The following C10orf90 variants were observed in gnomAD, a reference collection of about 807,000 sequenced individuals.
C10orf90 encodes the protein (E2-independent) E3 ubiquitin-conjugating enzyme FATS.
A neutral mutation model predicts 62.5 loss-of-function variants in C10orf90; 56 were observed. The observed-to-expected ratio is 0.90, with a 90% confidence interval of 0.72 to 1.12. The LOEUF is 1.12. Ranked by LOEUF, C10orf90 falls within the 50% of genes most tolerant of loss-of-function variation. The probability of loss-of-function intolerance (pLI) is 0.00; values close to 1 mark genes in which losing one functional copy is unlikely to be tolerated. For missense variants in C10orf90, 970 were observed against 880.4 expected (o/e 1.10, Z -1.29); for synonymous variants, 386 against 340.4 (o/e 1.13, Z -1.47).
At chr10:126,648,146 T>A (rs145020904) in intron 1 of C10orf90, among the ~76,000 whole-genome samples, 1 of 151,570 alleles carries the variant, frequency 6.6e-6, no homozygotes, top group East Asian at 1.9e-4. Flanking sequence ...TGCTCGCTTC[T>A]GCTCCTCTGC....
At chr10:126,437,409 G>A (rs1018589152) in intron 7 of C10orf90, among the ~76,000 whole-genome samples, 2 of 152,164 alleles carry the variant, frequency 1.3e-5, no homozygotes, top group African/African-American at 4.8e-5. Context: ...GAAATTCTGT[G>A]GCTAGGCCAG....
chr10:126,655,773 C>T (rs745978379), intron 1 of C10orf90, among the ~76,000 whole-genome samples: 11 of 151,216 alleles, frequency 7.3e-5, no homozygotes, highest in Non-Finnish European at 1.2e-4. Flanking sequence ...CCCACTTGAC[C>T]CTTTAACTTT....
intron 2 of C10orf90, among the ~76,000 whole-genome samples, chr10:126,575,140 G>T (rs542089423): frequency 4.7e-4 from 72 of 152,202 alleles, no homozygotes; most frequent in Non-Finnish European, 6.3e-4. Flanking sequence ...GGTGAAGGAA[G>T]TCCTAGCCAG....
chr10:126,638,443 C>T (rs911578174), intron 2 of C10orf90, among the ~76,000 whole-genome samples: 1 of 152,118 alleles, frequency 6.6e-6, no homozygotes, highest in Admixed American at 6.5e-5. Context: ...TCACCATGCC[C>T]CTAGGAGCCA....
At chr10:126,655,849 A>AAG (rs1554933256) in intron 1 of C10orf90, among the ~76,000 whole-genome samples, 70 of 152,058 alleles carry the variant, frequency 4.6e-4, no homozygotes, top group South Asian at 1.5e-3. Context: ...CAAAAAAAAA[A>AAG]AAGAAGAAGA....
At chr10:126,507,124 A>G (rs1232825886) in intron 3 of C10orf90, among the ~76,000 whole-genome samples, 1 of 152,086 alleles carries the variant, frequency 6.6e-6, no homozygotes, top group East Asian at 1.9e-4. Flanking sequence ...TTGGGAGGCC[A>G]AGGCGGGTGG....
chr10:126,495,342 C>T (rs1160383448), intron 4 of C10orf90, among the ~76,000 whole-genome samples: 1 of 152,096 alleles, frequency 6.6e-6, no homozygotes. Flanking sequence ...AAAACGTACC[C>T]CACCCATGTC....
intron 2 of C10orf90, among the ~76,000 whole-genome samples, chr10:126,575,993 C>T (rs560441303): frequency 1.3e-4 from 20 of 152,110 alleles, no homozygotes; most frequent in Non-Finnish European, 2.5e-4. Context: ...AGAGAAAATG[C>T]TTCAGGATGT....
intron 2 of C10orf90, among the ~76,000 whole-genome samples, chr10:126,571,907 C>A (rs894821338): frequency 6.6e-6 from 1 of 152,174 alleles, no homozygotes; most frequent in African/African-American, 2.4e-5. Flanking sequence ...GCAGGACACC[C>A]AGCACCTGGA....
intron 2 of C10orf90, among the ~76,000 whole-genome samples, chr10:126,645,727 G>A (rs1898292): frequency 0.083 from 12,611 of 152,182 alleles, 557 homozygotes; most frequent in South Asian, 0.15. Context: ...TCAGGTCCCT[G>A]ATATCTTTGC....
At position 126,670,627 on chromosome 10, in the gene C10orf90, T is replaced by C. The variant is rs1846731340; in HGVS notation, c.-147A>G. The stretch of plus-strand genomic sequence containing the variant: ...TGTTTTCCAACTCCAGAGCTAGTTG[T>C]CTCAATATCCCAGCTACATTTGTGA... On this transcript the variant is annotated 5_prime_UTR_variant, in exon 1 of 10. Transcript: ENST00000488181. 2.8e-6 allele frequency: 1 copy of C among 352,616 alleles called. No individual in the cohort carries two copies. Among genetic ancestry groups the C allele is most frequent in the Non-Finnish European group, 5.5e-6 (1 of 181,554 alleles). The allele number at this position is 352,616 out of a possible 1,614,324, so 21.8% of individuals were successfully genotyped here. A position where few individuals can be genotyped will look rare whatever the true frequency, so the allele number is the denominator to read the frequency against.
intron 4 of C10orf90, among the ~76,000 whole-genome samples, chr10:126,481,620 C>G (rs1861163861): frequency 6.6e-6 from 1 of 152,160 alleles, no homozygotes; most frequent in Non-Finnish European, 1.5e-5. Flanking sequence ...AAGCCTGGCT[C>G]CCACTAGCTG....
intron 1 of C10orf90, among the ~76,000 whole-genome samples, chr10:126,657,608 CT>C (rs71488508): frequency 0.011 from 1,528 of 141,476 alleles, 20 homozygotes; most frequent in African/African-American, 0.033. Context: ...AATACTTTGT[CT>C]TTTTTTTTTT....
At chr10:126,535,193 T>C (rs1426097093) in intron 2 of C10orf90, among the ~76,000 whole-genome samples, 1 of 128,044 alleles carries the variant, frequency 7.8e-6, no homozygotes, top group Non-Finnish European at 1.6e-5. Context: ...AGAGAGAGAT[T>C]CACACAAAAT....
chr10:126,588,628 C>G (rs184281850), intron 2 of C10orf90, among the ~76,000 whole-genome samples: 136 of 151,964 alleles, frequency 8.9e-4, no homozygotes, highest in Middle Eastern at 3.4e-3. Flanking sequence ...GAAAAGAAAA[C>G]AAAACAAAAC....
rs1215171095 is a variant in C10orf90 at position 126,461,418 on chromosome 10, T to C, written c.1993A>G (p.Arg665Gly). 1.2e-6 allele frequency: 2 copies of C among 1,614,062 alleles called. No homozygotes were observed. Among genetic ancestry groups the C allele is most frequent in the Non-Finnish European group, 1.7e-6 (2 of 1,179,962 alleles). ...DCSESQQTPA[R>G]SLTLQEALEV... ...GGCCTTACTTGCAAGGTCAAAGATC[T>C]TGCAGGCGTTTGCTGAGACTCAGAA... Residue 665 changes from arginine to glycine, a missense_variant, in exon 6 of 10, where the codon AGA (arginine) becomes GGA (glycine). Transcript: ENST00000488181.
In C10orf90 at chr10:126,425,058, G is replaced by A. The variant is rs1325732836; in HGVS notation, c.*806C>T. 1 of 152,138 alleles carries A rather than the reference G, an allele frequency of 6.6e-6. No homozygotes were observed. The highest frequency in any genetic ancestry group is 2.4e-5 in the African/African-American group (1 of 41,422). The allele number at this position is 152,138 out of a possible 1,614,324, so 9.4% of individuals were successfully genotyped here. A position where few individuals can be genotyped will look rare whatever the true frequency, so the allele number is the denominator to read the frequency against. ...TGTTGTAAAAACTAGCTTGTTCTTAGCTTCCCAAACAGACATATTTATAAA... is the reference window on the plus strand; with the variant it reads ...TGTTGTAAAAACTAGCTTGTTCTTAACTTCCCAAACAGACATATTTATAAA... On this transcript the variant is annotated 3_prime_UTR_variant, in exon 10 of 10. Transcript: ENST00000488181.
At chr10:126,645,258 TAA>T (rs1182066967) in intron 2 of C10orf90, among the ~76,000 whole-genome samples, 1,897 of 66,246 alleles carry the variant, frequency 0.029, 17 homozygotes, top group Non-Finnish European at 0.032. Flanking sequence ...ACTTAAAGTA[TAA>T]AAAAAAAAAA....
intron 8 of C10orf90, among the ~76,000 whole-genome samples, chr10:126,426,434 T>C (rs964978201): frequency 2.0e-5 from 3 of 152,260 alleles, no homozygotes; most frequent in African/African-American, 7.2e-5. Flanking sequence ...AATGAAGGAT[T>C]CTAAACCTAC....
Sources: allele counts gnomAD v4.1 joint callset (sites outside exome capture counted in the v4.1 genomes callset), GRCh38; gene constraint gnomAD v4.1.1; transcripts MANE v1.5; gene names NCBI Gene and HGNC (gene_info 2026-07-23, HGNC 2026-07-21).